LRP1B: variants seen among roughly 807,000 people sequenced by gnomAD.
LRP1B encodes LDL receptor related protein 1B.
In LRP1B, 217 loss-of-function variants were observed where a neutral mutation model predicts 556.6. The ratio of observed to expected loss-of-function variants is 0.39; its 90% CI spans 0.35 to 0.44. The LOEUF (loss-of-function observed/expected upper bound fraction) is 0.44. LRP1B is among the 20% of genes least tolerant of loss of function. LRP1B has a pLI of 1.00. For missense variants in LRP1B, 5,053 were observed against 5,620.8 expected (o/e 0.90, Z 3.23); for synonymous variants, 2,047 against 1,865.8 (o/e 1.10, Z -2.50).
At chr2:140,605,926 C>G (rs1682852196) in intron 41 of LRP1B, among the ~76,000 whole-genome samples, 1 of 152,032 alleles carries the variant, frequency 6.6e-6, no homozygotes, top group South Asian at 2.1e-4. Context: ...TGTTTTCCCT[C>G]AAAGACCAGG....
At chr2:140,709,678 C>G (rs1165215398) in intron 37 of LRP1B, among the ~76,000 whole-genome samples, 7 of 152,074 alleles carry the variant, frequency 4.6e-5, no homozygotes. Context: ...TTGAATTCAG[C>G]TAATTCACTC....
At chr2:140,339,655 C>T (rs1681271812) in intron 77 of LRP1B, among the ~76,000 whole-genome samples, 1 of 151,560 alleles carries the variant, frequency 6.6e-6, no homozygotes, top group Non-Finnish European at 1.5e-5. Context: ...GAATCGGATT[C>T]ACTTCCAATG....
At chr2:140,500,437 A>C (rs560747352) in intron 55 of LRP1B, among the ~76,000 whole-genome samples, 6 of 152,106 alleles carry the variant, frequency 3.9e-5, no homozygotes, top group African/African-American at 1.4e-4. Context: ...CAATGGCCCC[A>C]CATCTTTGCC....
intron 90 of LRP1B, among the ~76,000 whole-genome samples, chr2:140,234,526 G>T (rs1346702079): frequency 6.6e-6 from 1 of 151,226 alleles, no homozygotes; most frequent in Non-Finnish European, 1.5e-5. Context: ...AAATACTCAT[G>T]TTCACTGTAA....
chr2:140,831,801 T>C (rs562328738), intron 31 of LRP1B, among the ~76,000 whole-genome samples: 2 of 152,040 alleles, frequency 1.3e-5, no homozygotes, highest in African/African-American at 4.8e-5. Context: ...CCAAAATATA[T>C]AAGGAACTCA....
intron 1 of LRP1B, among the ~76,000 whole-genome samples, chr2:141,829,098 T>C (rs1697027115): frequency 1.3e-5 from 2 of 152,224 alleles, no homozygotes; most frequent in South Asian, 4.1e-4. Flanking sequence ...CGTTATATGT[T>C]AGCTATTTAT....
chr2:140,466,066 T>C (rs542147059), intron 60 of LRP1B, among the ~76,000 whole-genome samples: 2 of 150,748 alleles, frequency 1.3e-5, no homozygotes, highest in South Asian at 4.2e-4. Flanking sequence ...TAGAATATTA[T>C]AAAATAGTGC....
At chr2:140,552,670 C>G (rs1680588512) in intron 43 of LRP1B, among the ~76,000 whole-genome samples, 1 of 152,150 alleles carries the variant, frequency 6.6e-6, no homozygotes, top group Non-Finnish European at 1.5e-5. Flanking sequence ...GAAGCCTTGT[C>G]ATCACAAATT....
intron 84 of LRP1B, among the ~76,000 whole-genome samples, chr2:140,282,142 T>A (rs571794852): frequency 6.6e-6 from 1 of 151,938 alleles, no homozygotes; most frequent in African/African-American, 2.4e-5. Context: ...TTACATTAAA[T>A]CATGCCCAAG....
intron 43 of LRP1B, among the ~76,000 whole-genome samples, chr2:140,559,465 G>GA (rs1308338564): frequency 6.6e-6 from 1 of 151,864 alleles, no homozygotes; most frequent in Non-Finnish European, 1.5e-5. Context: ...TACTAGGAAG[G>GA]AAAAAATAGA....
chr2:141,467,839 C>CGG (rs1193797469), intron 3 of LRP1B, among the ~76,000 whole-genome samples: 1,250 of 56,948 alleles, frequency 0.022, 67 homozygotes, highest in Middle Eastern at 0.041. Context: ...GTTTGCGGAC[C>CGG]GGGGGGGGGG....
At chr2:141,639,349 T>TAAACACACACAC in intron 2 of LRP1B, among the ~76,000 whole-genome samples, 1 of 56,100 alleles carries the variant, frequency 1.8e-5, no homozygotes, top group East Asian at 8.5e-4. Context: ...TATATATATA[T>TAAACACACACAC]ACACACACAC....
chr2:141,707,684 A>AT (rs1381389587), intron 2 of LRP1B, among the ~76,000 whole-genome samples: 1 of 152,188 alleles, frequency 6.6e-6, no homozygotes, highest in African/African-American at 2.4e-5. Flanking sequence ...ACTTTGTTAT[A>AT]TCCTGCAGAG....
intron 2 of LRP1B, among the ~76,000 whole-genome samples, chr2:141,673,793 T>C (rs1690768802): frequency 6.6e-6 from 1 of 152,122 alleles, no homozygotes; most frequent in Admixed American, 6.6e-5. Context: ...TTCAAATCTA[T>C]ATTACATCAT....
intron 1 of LRP1B, among the ~76,000 whole-genome samples, chr2:141,906,144 C>T (rs1367714943): frequency 6.6e-6 from 1 of 151,400 alleles, no homozygotes. Flanking sequence ...GGATCTATCA[C>T]CAAACAAAAG....
At chr2:140,708,355 C>T (rs1574266008) in intron 37 of LRP1B, among the ~76,000 whole-genome samples, 1 of 151,576 alleles carries the variant, frequency 6.6e-6, no homozygotes, top group East Asian at 1.9e-4. Context: ...TTCTTTCTTT[C>T]TTGGTCTGCT....
chr2:141,431,155 A>AAATAAATAAATAAATG (rs1240750055), intron 3 of LRP1B, among the ~76,000 whole-genome samples: 1 of 151,834 alleles, frequency 6.6e-6, no homozygotes, highest in Non-Finnish European at 1.5e-5. Context: ...ATAAATAAAT[A>AAATAAATAAATAAATG]AATAAATAAA....
At chr2:141,713,859 G>A (rs1692467024) in intron 2 of LRP1B, among the ~76,000 whole-genome samples, 1 of 152,070 alleles carries the variant, frequency 6.6e-6, no homozygotes, top group South Asian at 2.1e-4. Context: ...ATCAATTAAT[G>A]GATCATTCTC....
chr2:140,609,480 CATGAATTAAT>C (rs1283449378), intron 41 of LRP1B, among the ~76,000 whole-genome samples: 2 of 152,040 alleles, frequency 1.3e-5, no homozygotes, highest in African/African-American at 4.8e-5. Flanking sequence ...TACGTCCAAC[CATGAATTAAT>C]ATATCTTTGG....
Sources: allele counts gnomAD v4.1 joint callset (sites outside exome capture counted in the v4.1 genomes callset), GRCh38; gene constraint gnomAD v4.1.1; transcripts MANE v1.5; gene names NCBI Gene and HGNC (gene_info 2026-07-23, HGNC 2026-07-21).